The following MYBPC1 variants were observed in gnomAD, a reference collection of about 807,000 sequenced individuals.
The protein encoded by MYBPC1 is myosin-binding protein C, slow-type.
Under a neutral mutation model 147.1 loss-of-function variants are expected in MYBPC1, and 52 were observed. The ratio of observed to expected loss-of-function variants is 0.35; its 90% CI spans 0.28 to 0.45. The LOEUF is 0.45. Ranked by LOEUF, MYBPC1 falls within the 20% of genes least tolerant of loss-of-function variation. The pLI is 1.00. For synonymous variants in MYBPC1, 477 were observed against 475.9 expected (o/e 1.00, Z -0.03); for missense variants, 1,228 against 1,440.3 (o/e 0.85, Z 2.39).
intron 11 of MYBPC1, among the ~76,000 whole-genome samples, chr12:101,642,962 C>G (rs1237449637): frequency 6.6e-6 from 1 of 152,150 alleles, no homozygotes; most frequent in Admixed American, 6.5e-5. Flanking sequence ...TTCACTTTCT[C>G]ACACCCAATA....
At chr12:101,665,312 C>T (rs1428839882) in intron 22 of MYBPC1, among the ~76,000 whole-genome samples, 2 of 152,130 alleles carry the variant, frequency 1.3e-5, no homozygotes, top group Admixed American at 6.5e-5. Context: ...GCAGTCTTTT[C>T]TTATTTTCTT....
At chr12:101,617,173 T>C in intron 2 of MYBPC1, 29 bp from the exon 3 acceptor site, 1 of 1,613,194 alleles carries the variant, frequency 6.2e-7, no homozygotes, top group Non-Finnish European at 8.5e-7. Flanking sequence ...TAAGGCACTT[T>C]AAAAAATATG....
chr12:101,609,346 T>C (rs1455285854), intron 1 of MYBPC1, among the ~76,000 whole-genome samples: 1 of 152,086 alleles, frequency 6.6e-6, no homozygotes, highest in Admixed American at 6.6e-5. Context: ...AGCTGGAGTA[T>C]AGTGGTGCAA....
At position 101,667,856 on chromosome 12, in the gene MYBPC1, G is replaced by A; in HGVS notation, c.2481G>A (p.Glu827=). The A allele has an allele frequency of 6.2e-7, 1 of 1,614,128 alleles. No homozygotes were observed. The highest frequency in any genetic ancestry group is 1.1e-5 in the South Asian group (1 of 91,078). The change falls in exon 23 of 32, where the codon GAG becomes GAA. Residue 827 remains glutamate (E), a synonymous_variant. Transcript: ENST00000361466. ...CTGTTAATGCAGCTGGTGCCAGCGA[G>A]CCCAAGTACTATTCTCAGCCCATTC... ...VKAVNAAGAS[E]PKYYSQPILV...
intron 24 of MYBPC1, among the ~76,000 whole-genome samples, chr12:101,671,329 A>ACTCT (rs143594010): frequency 4.3e-5 from 6 of 138,390 alleles, no homozygotes; most frequent in African/African-American, 7.9e-5. Context: ...ACACACACAC[A>ACTCT]CACACACACT....
chr12:101,669,928 GA>G (rs759220214), intron 23 of MYBPC1: 589 of 176,312 alleles, frequency 3.3e-3, no homozygotes, highest in South Asian at 6.4e-3. Flanking sequence ...GAGACTCTCT[GA>G]AAAAAAAAAA....
chr12:101,693,596 C>T, the MYBPC1 span, among the ~76,000 whole-genome samples: 1 of 152,142 alleles, frequency 6.6e-6, no homozygotes, highest in Non-Finnish European at 1.5e-5. Context: ...CAAAAATTAG[C>T]TGGGTGTGGT....
intron 11 of MYBPC1, among the ~76,000 whole-genome samples, chr12:101,643,758 T>C (rs991860140): frequency 1.3e-5 from 2 of 152,136 alleles, no homozygotes; most frequent in Non-Finnish European, 2.9e-5. Context: ...TTAATTGCTG[T>C]GTTCTATGTT....
At chr12:101,649,474 G>A in intron 15 of MYBPC1, 48 bp downstream of exon 15, 1 of 1,597,070 alleles carries the variant, frequency 6.3e-7, no homozygotes, top group East Asian at 2.2e-5. Context: ...TATTAATGAT[G>A]GTTGTGTTAA....
At chr12:101,629,670 C>T (rs915114041) in intron 6 of MYBPC1, 126 bp downstream of exon 6, 16 of 711,974 alleles carry the variant, frequency 2.2e-5, no homozygotes, top group Middle Eastern at 7.0e-4. Flanking sequence ...CTCAGGAGTT[C>T]GAGACCAGCC....
chr12:101,601,754 A>T (rs1388776494), intron 1 of MYBPC1, among the ~76,000 whole-genome samples: 1 of 152,010 alleles, frequency 6.6e-6, no homozygotes, highest in East Asian at 1.9e-4. Flanking sequence ...GTATTTAGCT[A>T]TTTTGGTAAG....
intron 12 of MYBPC1, 166 bp from the exon 13 acceptor site, chr12:101,646,597 C>G (rs569329454): frequency 1.4e-6 from 1 of 731,892 alleles, no homozygotes; most frequent in East Asian, 2.8e-5. Flanking sequence ...TATGTTTGCA[C>G]CACTGCACTC....
intron 1 of MYBPC1, among the ~76,000 whole-genome samples, chr12:101,605,714 T>C (rs976919834): frequency 3.3e-5 from 5 of 150,876 alleles, no homozygotes; most frequent in African/African-American, 9.8e-5. Context: ...TACAAAAAAT[T>C]AGCTGAGCGT....
At chr12:101,663,614 C>A (rs1896948521) in intron 22 of MYBPC1, 54 bp downstream of exon 22, 1 of 1,573,246 alleles carries the variant, frequency 6.4e-7, no homozygotes, top group Non-Finnish European at 8.7e-7. Context: ...TGAGATATGT[C>A]CCTCCCCTTT....
chr12:101,631,135 C>T (rs1253840453), intron 6 of MYBPC1, among the ~76,000 whole-genome samples: 1 of 152,106 alleles, frequency 6.6e-6, no homozygotes, highest in African/African-American at 2.4e-5. Context: ...GGCTTCTCAT[C>T]ACCTTGCCTA....
At chr12:101,656,286 G>A (rs1895527267) in intron 18 of MYBPC1, among the ~76,000 whole-genome samples, 1 of 151,938 alleles carries the variant, frequency 6.6e-6, no homozygotes, top group African/African-American at 2.4e-5. Flanking sequence ...ACAATAATAG[G>A]AACAAAGAAG....
At chr12:101,644,334 G>C (rs1892640001) in intron 11 of MYBPC1, among the ~76,000 whole-genome samples, 2 of 152,158 alleles carry the variant, frequency 1.3e-5, no homozygotes, top group African/African-American at 4.8e-5. Context: ...ACCGTGCCCA[G>C]CCCCAGCGTG....
At chr12:101,626,786 ATCT>A (rs1162214298) in intron 3 of MYBPC1, 83 bp from the exon 4 acceptor site, 2 of 1,172,784 alleles carry the variant, frequency 1.7e-6, no homozygotes, top group East Asian at 2.3e-5. Flanking sequence ...GTGGTTTCTC[ATCT>A]TCTTTTTCAG....
intron 1 of MYBPC1, among the ~76,000 whole-genome samples, chr12:101,613,761 G>C (rs1885057091): frequency 6.6e-6 from 1 of 152,170 alleles, no homozygotes; most frequent in African/African-American, 2.4e-5. Flanking sequence ...CCAGAGCCTG[G>C]AAAATTTTGG....
Sources: allele counts gnomAD v4.1 joint callset (sites outside exome capture counted in the v4.1 genomes callset), GRCh38; gene constraint gnomAD v4.1.1; transcripts MANE v1.5; gene names NCBI Gene and HGNC (gene_info 2026-07-23, HGNC 2026-07-21).